Variants in LUZP2 observed in about 807,000 individuals in gnomAD.
The protein encoded by LUZP2 is leucine zipper protein 2.
LUZP2 carries 52 observed loss-of-function variants against 51.6 expected under a neutral mutation model. The ratio of observed to expected loss-of-function variants is 1.01; its 90% confidence interval spans 0.81 to 1.27. The LOEUF is 1.27. Ranked by LOEUF, LUZP2 falls within the 50% of genes most tolerant of loss-of-function variation. The pLI, the probability that LUZP2 is intolerant of heterozygous loss-of-function variation, is 0.00. For synonymous variants in LUZP2, 154 were observed against 137.3 expected (o/e 1.12, Z -0.85); for missense variants, 436 against 395.4 (o/e 1.10, Z -0.87).
intron 7 of LUZP2, among the ~76,000 whole-genome samples, chr11:24,938,666 A>T (rs1162283026): frequency 6.6e-6 from 1 of 151,958 alleles, no homozygotes; most frequent in Non-Finnish European, 1.5e-5. Context: ...TTTAATTTAG[A>T]TGGATTGAGG....
chr11:24,807,344 C>A (rs1849885326), intron 5 of LUZP2, among the ~76,000 whole-genome samples: 1 of 151,842 alleles, frequency 6.6e-6, no homozygotes, highest in South Asian at 2.1e-4. Context: ...TGCCTGTAAT[C>A]GCAGCTACTT....
At chr11:24,810,457 A>G (rs1384766108) in intron 5 of LUZP2, among the ~76,000 whole-genome samples, 1 of 152,152 alleles carries the variant, frequency 6.6e-6, no homozygotes, top group African/African-American at 2.4e-5. Context: ...TATTCCACAT[A>G]ACCTGGTTAA....
intron 7 of LUZP2, among the ~76,000 whole-genome samples, chr11:24,947,680 G>A (rs1854938607): frequency 6.6e-6 from 1 of 151,758 alleles, no homozygotes; most frequent in Non-Finnish European, 1.5e-5. Context: ...TTGTTCATCT[G>A]GTAATACCTT....
chr11:24,729,248 A>T lies in LUZP2; in HGVS notation c.142A>T (p.Thr48Ser). 7 of 1,569,204 alleles carry T rather than the reference A, an allele frequency of 4.5e-6. No homozygotes were observed. Among genetic ancestry groups the T allele is most frequent in the Non-Finnish European group, 6.1e-6 (7 of 1,150,642 alleles). ...CACCATTCTTCGTCAGCTGACAAAG[A>T]CATCAAGAGAACTTGATGGAATTAA... ...RSTILRQLTK[T>S]SRELDGIKVN... Residue 48 changes from threonine to serine, a missense_variant, in exon 2 of 12, where the codon ACA becomes TCA. Coordinates refer to ENST00000336930, the MANE Select transcript of LUZP2 (RefSeq NM_001009909.4).
At chr11:24,963,083 C>T (rs1461726927) in intron 7 of LUZP2, among the ~76,000 whole-genome samples, 2 of 152,262 alleles carry the variant, frequency 1.3e-5, no homozygotes, top group South Asian at 2.1e-4. Flanking sequence ...AGCGGTTTTT[C>T]GTGAACCGCG....
chr11:25,072,543 C>A (rs965409912), intron 10 of LUZP2, among the ~76,000 whole-genome samples: 1 of 152,062 alleles, frequency 6.6e-6, no homozygotes, highest in Non-Finnish European at 1.5e-5. Context: ...TTTGTGGAAG[C>A]AAAAGTTACT....
intron 1 of LUZP2, among the ~76,000 whole-genome samples, chr11:24,673,950 A>T (rs918463294): frequency 9.2e-5 from 14 of 152,212 alleles, no homozygotes; most frequent in Non-Finnish European, 1.8e-4. Context: ...TGAACTTCAA[A>T]TTGATAAATC....
chr11:24,639,113 A>G (rs1270718120), intron 1 of LUZP2, among the ~76,000 whole-genome samples: 1 of 151,848 alleles, frequency 6.6e-6, no homozygotes, highest in Admixed American at 6.6e-5. Flanking sequence ...CTTTTTCTCT[A>G]TAGCAATAAA....
chr11:24,753,731 A>T (rs968305591), intron 4 of LUZP2, among the ~76,000 whole-genome samples: 3 of 152,102 alleles, frequency 2.0e-5, no homozygotes, highest in African/African-American at 7.2e-5. Context: ...TCTCTTGCAG[A>T]CTATTTTACC....
intron 1 of LUZP2, among the ~76,000 whole-genome samples, chr11:24,653,753 C>G (rs1855713692): frequency 6.6e-6 from 1 of 152,080 alleles, no homozygotes. Flanking sequence ...GAAAGAGGCA[C>G]AAAAGTGATC....
chr11:24,815,051 T>A (rs1850137877), intron 5 of LUZP2, among the ~76,000 whole-genome samples: 1 of 151,918 alleles, frequency 6.6e-6, no homozygotes, highest in African/African-American at 2.4e-5. Context: ...TATATTATTA[T>A]TAAGTAGAAT....
chr11:24,548,689 C>G (rs1268104865), intron 1 of LUZP2, among the ~76,000 whole-genome samples: 1 of 151,748 alleles, frequency 6.6e-6, no homozygotes, highest in Non-Finnish European at 1.5e-5. Context: ...GCCCAGCTAT[C>G]CCCTGAACCA....
chr11:24,682,464 C>T (rs1856765727), intron 1 of LUZP2, among the ~76,000 whole-genome samples: 1 of 148,476 alleles, frequency 6.7e-6, no homozygotes, highest in Admixed American at 6.7e-5. Flanking sequence ...CACTGCACTC[C>T]AGCCTGGGTT....
At chr11:24,676,513 G>A (rs1003362007) in intron 1 of LUZP2, among the ~76,000 whole-genome samples, 3 of 152,062 alleles carry the variant, frequency 2.0e-5, no homozygotes, top group African/African-American at 4.8e-5. Context: ...AATGAGAAAA[G>A]TGAGAAAAAA....
chr11:24,506,190 G>A (rs1850141385), intron 1 of LUZP2, among the ~76,000 whole-genome samples: 1 of 152,124 alleles, frequency 6.6e-6, no homozygotes, highest in Admixed American at 6.6e-5. Flanking sequence ...GCACACTTGA[G>A]CTATTGGAAT....
At chr11:24,549,560 G>A (rs181118786) in intron 1 of LUZP2, among the ~76,000 whole-genome samples, 14 of 152,128 alleles carry the variant, frequency 9.2e-5, no homozygotes, top group African/African-American at 2.9e-4. Context: ...ATAACTGTAT[G>A]TGCAATACTT....
chr11:24,914,033 CT>C (rs1419064210), intron 6 of LUZP2, among the ~76,000 whole-genome samples: 2 of 152,038 alleles, frequency 1.3e-5, no homozygotes, highest in Non-Finnish European at 2.9e-5. Flanking sequence ...GCTTTTCTTG[CT>C]TCCGATCACA....
At chr11:24,909,372 A>C (rs893159667) in intron 6 of LUZP2, among the ~76,000 whole-genome samples, 2 of 152,020 alleles carry the variant, frequency 1.3e-5, no homozygotes, top group Admixed American at 1.3e-4. Flanking sequence ...AAAGGCAACC[A>C]TTCTGACACT....
chr11:24,578,557 G>T (rs1245316420), intron 1 of LUZP2, among the ~76,000 whole-genome samples: 3 of 97,554 alleles, frequency 3.1e-5, no homozygotes, highest in Non-Finnish European at 7.3e-5. Context: ...ATGGTGGGCT[G>T]GATTAAAAAA....
Sources: allele counts gnomAD v4.1 joint callset (sites outside exome capture counted in the v4.1 genomes callset), GRCh38; gene constraint gnomAD v4.1.1; transcripts MANE v1.5; gene names NCBI Gene and HGNC (gene_info 2026-07-23, HGNC 2026-07-21).